Variants in ARSK observed in about 807,000 individuals in gnomAD.
The protein encoded by ARSK is arylsulfatase K.
In ARSK, 37 loss-of-function variants were observed where a neutral mutation model predicts 53.2. That is an observed-to-expected ratio of 0.70 (90% CI 0.54 to 0.92). ARSK has a LOEUF of 0.92. Ranked by LOEUF, ARSK falls within the 40% of genes least tolerant of loss-of-function variation. The probability of loss-of-function intolerance (pLI) is 0.00; values close to 1 mark genes in which losing one functional copy is unlikely to be tolerated. For missense variants in ARSK, 613 were observed against 643.0 expected (o/e 0.95, Z 0.51); for synonymous variants, 208 against 223.2 (o/e 0.93, Z 0.61).
At position 95,600,381 on chromosome 5, in the gene ARSK, T is replaced by C. The variant is rs1011723704; in HGVS notation, c.1097-466T>C. Among the ~76,000 whole-genome samples the C allele has an allele frequency of 3.9e-5, 6 of 152,294 alleles. No homozygotes were observed. The East Asian group carries it at 9.6e-4, about 24-fold the overall frequency. ...TTGTTTAACCATTGTTTTGCAAACA[T>C]ATAAGACTACTAAACCCCTTTCTTG... On this transcript the variant is annotated intron_variant, in intron 6 of 7. Transcript: ENST00000380009.
At chr5:95,580,857 T>C in intron 3 of ARSK, 4 of 1,229,338 alleles carry the variant, frequency 3.3e-6, no homozygotes, top group Non-Finnish European at 4.3e-6. Context: ...TCCTCACTAA[T>C]TTGCAAAGAA....
chr5:95,603,605 A>G lies in ARSK; in HGVS notation c.*79A>G. Reference sequence around the variant, plus strand: ...CATAATTATGTATTTTAAATGAAACAGTTTTAATAATTACCAAGTTTTGGC... The same window carrying G: ...CATAATTATGTATTTTAAATGAAACGGTTTTAATAATTACCAAGTTTTGGC... On this transcript the variant is annotated 3_prime_UTR_variant, in exon 8 of 8. Coordinates refer to ENST00000380009, the MANE Select transcript of ARSK (RefSeq NM_198150.3). 1 of 1,308,444 alleles carries G rather than the reference A, an allele frequency of 7.6e-7. No individual in the cohort carries two copies. Among genetic ancestry groups the G allele is most frequent in the East Asian group, 2.7e-5 (1 of 37,152 alleles). 81.1% of individuals were successfully genotyped at this position (1,308,444 alleles called of 1,614,324 possible).
intron 6 of ARSK, among the ~76,000 whole-genome samples, chr5:95,596,684 G>T (rs1328793182): frequency 6.6e-6 from 1 of 152,040 alleles, no homozygotes; most frequent in Non-Finnish European, 1.5e-5. Context: ...ATGTATAAAA[G>T]ATGGTTATTC....
rs576766511 is a variant in ARSK at position 95,590,569 on chromosome 5, A to G, written c.872-832A>G. ...TTCCAGTTGTCCAGTTGAAAAATCA[A>G]GAGAGTCTCAACTCTGCAAATAACT... On this transcript the variant is annotated intron_variant, in intron 5 of 7. Coordinates refer to ENST00000380009, the MANE Select transcript of ARSK (RefSeq NM_198150.3). Among the ~76,000 whole-genome samples the G allele has an allele frequency of 1.1e-4, 17 of 152,322 alleles. 1 individual carries two copies. Among genetic ancestry groups the G allele is most frequent in the African/African-American group, 3.4e-4 (14 of 41,572 alleles).
chr5:95,575,561 T>C (rs1748911243), intron 3 of ARSK, among the ~76,000 whole-genome samples: 1 of 152,230 alleles, frequency 6.6e-6, no homozygotes, highest in Admixed American at 6.5e-5. Context: ...ATCAATGTTT[T>C]ATAATGCTCA....
At chr5:95,582,856 A>T in intron 3 of ARSK, 60 bp from the exon 4 acceptor site, 1 of 1,454,782 alleles carries the variant, frequency 6.9e-7, no homozygotes, top group East Asian at 2.3e-5. Context: ...GTGTATGCTT[A>T]GTATGTTTTT....
intron 1 of ARSK, chr5:95,556,946 C>T (rs977417653): frequency 6.6e-6 from 1 of 151,484 alleles, no homozygotes; most frequent in African/African-American, 2.4e-5. Context: ...GGAGGCGGAG[C>T]TTGCAGTGAC....
chr5:95,578,098 T>C (rs1748956451), intron 3 of ARSK, among the ~76,000 whole-genome samples: 1 of 152,316 alleles, frequency 6.6e-6, no homozygotes, highest in South Asian at 2.1e-4. Flanking sequence ...AGAAGATGGA[T>C]GACAGCCTTG....
chr5:95,592,670 T>C (rs1749240126), intron 6 of ARSK, among the ~76,000 whole-genome samples: 3 of 152,150 alleles, frequency 2.0e-5, no homozygotes, highest in Admixed American at 2.0e-4. Context: ...TGCCTCAGCC[T>C]CCTGAGTAGC....
chr5:95,555,101 G>A lies in ARSK; in HGVS notation c.-178G>A. 8.1e-6 allele frequency: 4 copies of A among 492,686 alleles called. No homozygotes were observed. The highest frequency in any genetic ancestry group is 1.5e-5 in the Non-Finnish European group (4 of 273,734). 30.5% of individuals were successfully genotyped at this position (492,686 alleles called of 1,614,324 possible). A position where few individuals can be genotyped will look rare whatever the true frequency, so the allele number is the denominator to read the frequency against. On this transcript the variant is annotated 5_prime_UTR_variant, in exon 1 of 8. The change creates a new upstream start codon in the 5' untranslated region. Coordinates refer to ENST00000380009, the MANE Select transcript of ARSK (RefSeq NM_198150.3). This position sits in a 1 kb window ranked among gnomAD's most constrained non-coding sequence, Gnocchi z 4.0. ...AAGCGGGAATTTCTCTGTTGCGCATGTGCGCGCTCTCCGCCTGATAGGAGT... is the reference window on the plus strand; with the variant it reads ...AAGCGGGAATTTCTCTGTTGCGCATATGCGCGCTCTCCGCCTGATAGGAGT...
chr5:95,601,866 A>T (rs1046614975), intron 7 of ARSK, among the ~76,000 whole-genome samples: 1 of 152,192 alleles, frequency 6.6e-6, no homozygotes, highest in African/African-American at 2.4e-5. Flanking sequence ...TTACATTTTC[A>T]TCCTGATGAG....
At chr5:95,562,787 A>C (rs535072149) in intron 1 of ARSK, among the ~76,000 whole-genome samples, 15 of 152,244 alleles carry the variant, frequency 9.9e-5, no homozygotes, top group Non-Finnish European at 1.2e-4. Flanking sequence ...TTAAATGCCC[A>C]ATTTTAGAGT....
intron 6 of ARSK, among the ~76,000 whole-genome samples, chr5:95,599,674 T>C (rs966618683): frequency 6.6e-6 from 1 of 152,208 alleles, no homozygotes; most frequent in Non-Finnish European, 1.5e-5. Context: ...CTAATTTTGA[T>C]TGGTTGGCAG....
intron 3 of ARSK, among the ~76,000 whole-genome samples, chr5:95,578,733 G>A (rs1267844706): frequency 6.6e-6 from 1 of 152,130 alleles, no homozygotes; most frequent in Non-Finnish European, 1.5e-5. Flanking sequence ...ACTTCATGTG[G>A]AAAGAAAACT....
intron 1 of ARSK, chr5:95,556,058 A>C (rs1312514783): frequency 1.7e-6 from 1 of 597,670 alleles, no homozygotes; most frequent in East Asian, 2.8e-5. Context: ...TCCATGTTTT[A>C]AAAAGTGCTG....
In ARSK at chr5:95,565,879, C is replaced by A. The variant is rs911732126; in HGVS notation, c.127-119C>A. 7 of 980,002 alleles carry A rather than the reference C, an allele frequency of 7.1e-6. No individual in the cohort carries two copies. In the African/African-American group the frequency reaches 1.0e-4, roughly 14 times the overall value. The allele number at this position is 980,002 out of a possible 1,614,324, so 60.7% of individuals were successfully genotyped here. On this transcript the variant is annotated intron_variant, in intron 1 of 7. Transcript: ENST00000380009. ...CCCTCTATACTTGTTTTGTTTTTAT[C>A]TTTGGAGGATTCTTAAAATCATATT... is the stretch of plus-strand genomic sequence containing the variant.
At chr5:95,565,897 A>G in intron 1 of ARSK, 101 bp from the exon 2 acceptor site, 2 of 1,122,536 alleles carry the variant, frequency 1.8e-6, no homozygotes, top group South Asian at 3.4e-5. Flanking sequence ...GATTCTTAAA[A>G]TCATATTGAA....
chr5:95,572,641 G>T (rs1428168444), intron 3 of ARSK, among the ~76,000 whole-genome samples: 105 of 152,204 alleles, frequency 6.9e-4, no homozygotes, highest in African/African-American at 2.3e-3. Flanking sequence ...AGCCGGGCGT[G>T]GTGGCGGGCC....
chr5:95,556,452 G>A, intron 1 of ARSK: 1 of 541,398 alleles, frequency 1.8e-6, no homozygotes, highest in East Asian at 3.1e-5. Context: ...TGGTGCTTCA[G>A]AGCTGCTTTC....
Sources: allele counts gnomAD v4.1 joint callset (sites outside exome capture counted in the v4.1 genomes callset), GRCh38; gene constraint gnomAD v4.1.1; non-coding constraint Gnocchi (gnomAD v3.1); transcripts MANE v1.5; gene names NCBI Gene and HGNC (gene_info 2026-07-23, HGNC 2026-07-21).